Variants in GATAD1 observed in about 807,000 individuals in gnomAD.
GATAD1 encodes GATA zinc finger domain containing 1.
A neutral mutation model predicts 26.5 loss-of-function variants in GATAD1; 12 were observed. That is an observed-to-expected ratio of 0.45 (90% CI 0.29 to 0.73). GATAD1 has a LOEUF of 0.73. Ranked by LOEUF, GATAD1 falls within the 30% of genes least tolerant of loss-of-function variation. The pLI is 0.10. For missense variants in GATAD1, 266 were observed against 342.1 expected, an observed-to-expected ratio of 0.78 and a Z score of 1.75; for synonymous variants, 129 against 133.1, an observed-to-expected ratio of 0.97 and a Z score of 0.21.
In GATAD1 at chr7:92,447,998, C is replaced by G. The variant is rs10281809; in HGVS notation, c.249+20C>G. Reference sequence around the variant, plus strand: ...AAGCAGGTGAGCTCCTCCGGCCCCTCCCGCCGGCGGAGGCCGACCAGGTGC... The same window carrying G: ...AAGCAGGTGAGCTCCTCCGGCCCCTGCCGCCGGCGGAGGCCGACCAGGTGC... On this transcript the variant is annotated intron_variant, in intron 1 of 4. Transcript: ENST00000287957. The G allele has an allele frequency of 1.3e-3, 1,587 of 1,211,400 alleles. 19 individuals are homozygous for G. In the African/African-American group the frequency reaches 0.023, roughly 18 times the overall value. 75.0% of individuals were successfully genotyped at this position (1,211,400 alleles called of 1,614,324 possible). A position where few individuals can be genotyped will look rare whatever the true frequency, so the allele number is the denominator to read the frequency against.
the GATAD1 span, among the ~76,000 whole-genome samples, chr7:92,486,777 A>ATATT: frequency 1.3e-5 from 2 of 152,122 alleles, no homozygotes; most frequent in Admixed American, 1.3e-4. Flanking sequence ...TATAGTTAAG[A>ATATT]TATTAGATAC....
chr7:92,462,368 TAA>T (rs143310054), downstream of GATAD1, among the ~76,000 whole-genome samples: 4 of 141,158 alleles, frequency 2.8e-5, no homozygotes, highest in African/African-American at 2.6e-5. Flanking sequence ...TCTGATTTTG[TAA>T]AAAAAAAAAA....
At chr7:92,489,840 C>T in the GATAD1 span, 5 of 1,613,912 alleles carry the variant, frequency 3.1e-6, no homozygotes, top group African/African-American at 5.3e-5. Flanking sequence ...GCTGTGAAAA[C>T]AACTGGTCTT....
chr7:92,492,332 C>A, the GATAD1 span, among the ~76,000 whole-genome samples: 2 of 152,132 alleles, frequency 1.3e-5, no homozygotes, highest in African/African-American at 2.4e-5. Context: ...TTCACAGAGA[C>A]AAGATCCCAC....
chr7:92,478,233 A>G, the GATAD1 span, among the ~76,000 whole-genome samples: 1 of 152,188 alleles, frequency 6.6e-6, no homozygotes, highest in African/African-American at 2.4e-5. Flanking sequence ...TTTTGCCCTC[A>G]TCCCAGAAAG....
chr7:92,494,742 T>G, the GATAD1 span: 1 of 620,648 alleles, frequency 1.6e-6, no homozygotes, highest in African/African-American at 2.0e-5. Context: ...ATTTATATAC[T>G]TCTTTTAATT....
chr7:92,489,910 C>G, the GATAD1 span: 11 of 1,612,764 alleles, frequency 6.8e-6, no homozygotes, highest in South Asian at 1.2e-4. Flanking sequence ...ACATTGTGAG[C>G]TCTGCATGGT....
At chr7:92,452,677 T>G (rs1789489425) in intron 3 of GATAD1, among the ~76,000 whole-genome samples, 1 of 152,232 alleles carries the variant, frequency 6.6e-6, no homozygotes. Context: ...TAGTCCTGTT[T>G]GGTGTTATAT....
chr7:92,489,121 G>A, the GATAD1 span, among the ~76,000 whole-genome samples: 3 of 152,168 alleles, frequency 2.0e-5, no homozygotes, highest in Non-Finnish European at 4.4e-5. Context: ...TTTGACTTCT[G>A]TACTTCTGAC....
the GATAD1 span, chr7:92,491,330 C>T: frequency 4.3e-6 from 7 of 1,613,892 alleles, no homozygotes; most frequent in East Asian, 4.5e-5. Flanking sequence ...AAAGTAGAGC[C>T]GGTACATATT....
At chr7:92,470,052 G>A in the GATAD1 span, 5 of 778,696 alleles carry the variant, frequency 6.4e-6, no homozygotes, top group South Asian at 5.4e-5. Context: ...TACCAGTTTG[G>A]GTGAAGTAAG....
the GATAD1 span, chr7:92,468,514 G>A: frequency 2.9e-6 from 1 of 343,902 alleles, no homozygotes; most frequent in Non-Finnish European, 5.3e-6. Flanking sequence ...CTCCTGCTGT[G>A]CTCTCAGGCA....
In GATAD1 at chr7:92,458,963, C is replaced by T. The variant is rs1266516059; in HGVS notation, c.*2401C>T. 3 of 152,192 alleles carry T rather than the reference C, an allele frequency of 2.0e-5. No individual in the cohort carries two copies. Among genetic ancestry groups the T allele is most frequent in the African/African-American group, 7.2e-5 (3 of 41,446 alleles). 9.4% of individuals were successfully genotyped at this position (152,192 alleles called of 1,614,324 possible). A position where few individuals can be genotyped will look rare whatever the true frequency, so the allele number is the denominator to read the frequency against. On this transcript the variant is annotated 3_prime_UTR_variant, in exon 5 of 5. Coordinates refer to ENST00000287957, the MANE Select transcript of GATAD1 (RefSeq NM_021167.5). ...TAGAGGCCGGGCACAGTGGCTCACG[C>T]CTGTAATCCCAGCACTTTGGAAGGC...
the GATAD1 span, chr7:92,471,609 A>G: frequency 6.6e-6 from 1 of 152,118 alleles, no homozygotes; most frequent in South Asian, 2.1e-4. Context: ...GGGTTGTTTT[A>G]TAAGCATTTC....
chr7:92,494,347 G>A, the GATAD1 span: 1 of 1,613,918 alleles, frequency 6.2e-7, no homozygotes, highest in Non-Finnish European at 8.5e-7. Flanking sequence ...GCCTAAGCAG[G>A]GCAGGGTCAA....
the GATAD1 span, among the ~76,000 whole-genome samples, chr7:92,475,838 T>G: frequency 1.7e-4 from 26 of 152,320 alleles, no homozygotes; most frequent in Non-Finnish European, 1.6e-4. Flanking sequence ...CAAGTTCTTA[T>G]GCAAATGCAT....
In GATAD1 at chr7:92,449,165, G is replaced by A. The variant is rs561604230; in HGVS notation, c.375+288G>A. The A allele has an allele frequency of 6.5e-6, 7 of 1,081,284 alleles. No individual in the cohort carries two copies. The African/African-American group carries it at 9.8e-5, about 15-fold the overall frequency. 67.0% of individuals were successfully genotyped at this position (1,081,284 alleles called of 1,614,324 possible). On this transcript the variant is annotated intron_variant, in intron 2 of 4. Coordinates refer to ENST00000287957, the MANE Select transcript of GATAD1 (RefSeq NM_021167.5). ...ATCAACCTTGAGCCCATTTTTTGGG[G>A]TTCTCTATGGAAAGGAAGAGGAGAG...
the GATAD1 span, among the ~76,000 whole-genome samples, chr7:92,481,614 T>C: frequency 2.0e-5 from 3 of 152,084 alleles, no homozygotes; most frequent in Non-Finnish European, 4.4e-5. Flanking sequence ...ACTTCGGCTG[T>C]GTGTAATGAA....
At chr7:92,460,343 AC>A (rs1273452775), downstream of GATAD1, among the ~76,000 whole-genome samples, 1 of 152,140 alleles carries the variant, frequency 6.6e-6, no homozygotes, top group African/African-American at 2.4e-5. Flanking sequence ...TTTACTTCAT[AC>A]CAGGTGTGTG....
Sources: allele counts gnomAD v4.1 joint callset (sites outside exome capture counted in the v4.1 genomes callset), GRCh38; gene constraint gnomAD v4.1.1; transcripts MANE v1.5; gene names NCBI Gene and HGNC (gene_info 2026-07-23, HGNC 2026-07-21).